Variants in ZC3H7A observed in about 807,000 individuals in gnomAD.
The protein encoded by ZC3H7A is zinc finger CCCH domain-containing protein 7A.
A neutral mutation model predicts 125.5 loss-of-function variants in ZC3H7A; 44 were observed. That is an observed-to-expected ratio of 0.35 (90% CI 0.28 to 0.45). The LOEUF is 0.45. Ranked by LOEUF, ZC3H7A falls within the 20% of genes least tolerant of loss-of-function variation. The probability of loss-of-function intolerance (pLI) is 1.00; values close to 1 mark genes in which losing one functional copy is unlikely to be tolerated. For missense variants in ZC3H7A, 977 were observed against 1,170.7 expected, an observed-to-expected ratio of 0.83 and a Z score of 2.41; for synonymous variants, 399 against 391.2, an observed-to-expected ratio of 1.02 and a Z score of -0.23.
chr16:11,767,019 A>T (rs988462997), intron 13 of ZC3H7A, among the ~76,000 whole-genome samples: 1 of 152,256 alleles, frequency 6.6e-6, no homozygotes, highest in Non-Finnish European at 1.5e-5. Flanking sequence ...AATAAATTAC[A>T]TATTAATAGA....
intron 3 of ZC3H7A, among the ~76,000 whole-genome samples, 156 bp downstream of exon 3, chr16:11,781,269 A>T (rs1336374857): frequency 6.6e-6 from 1 of 152,154 alleles, no homozygotes; most frequent in African/African-American, 2.4e-5. Flanking sequence ...GTTCCAATAA[A>T]GCTTTATTTG....
intron 1 of ZC3H7A, among the ~76,000 whole-genome samples, chr16:11,789,800 G>A (rs1271209378): frequency 6.6e-6 from 1 of 151,904 alleles, no homozygotes; most frequent in Admixed American, 6.6e-5. Flanking sequence ...TATAGGATAG[G>A]CCAGCCATGG....
chr16:11,767,494 A>G lies in ZC3H7A; in HGVS notation c.1445T>C (p.Val482Ala), dbSNP rs755994420. The G allele has an allele frequency of 3.1e-6, 5 of 1,612,442 alleles. No individual in the cohort carries two copies. The highest frequency in any genetic ancestry group is 4.2e-6 in the Non-Finnish European group (5 of 1,179,142). ...KDILIGRIKN[V>A]EDKSWKKIRP... The stretch of plus-strand genomic sequence containing the variant: ...TATTTTTTTCCATGATTTATCTTCA[A>G]CATTCTTTATCCTACCGATTAAAAT... Residue 482 changes from valine (V) to alanine (A), a missense_variant, in exon 13 of 23, where the codon GTT becomes GCT. By Grantham distance (64) the Val-to-Ala change is moderately conservative. Transcript: ENST00000355758.
chr16:11,777,031 T>C, intron 4 of ZC3H7A, 122 bp from the exon 5 acceptor site: 1 of 683,190 alleles, frequency 1.5e-6, no homozygotes, highest in Non-Finnish European at 2.2e-6. Context: ...AACTCCAAGT[T>C]AGCAGTATTA....
At chr16:11,762,070 A>G (rs756146597) in intron 17 of ZC3H7A, 27 bp from the exon 18 acceptor site, 3 of 1,551,792 alleles carry the variant, frequency 1.9e-6, no homozygotes, top group Non-Finnish European at 2.6e-6. Context: ...ATTCGTTTTA[A>G]TTTTTTTAAC....
At chr16:11,773,698 C>T (rs1456707428) in intron 9 of ZC3H7A, among the ~76,000 whole-genome samples, 1 of 151,640 alleles carries the variant, frequency 6.6e-6, no homozygotes, top group African/African-American at 2.4e-5. Context: ...CTGGCTAAGG[C>T]AGTGAAACCC....
chr16:11,751,975 G>T (rs1320038660), intron 22 of ZC3H7A, among the ~76,000 whole-genome samples: 1 of 144,492 alleles, frequency 6.9e-6, no homozygotes, highest in Admixed American at 7.6e-5. Flanking sequence ...ACGCAACCTC[G>T]GCTCACTACA....
chr16:11,783,321 A>AT (rs1253704171), intron 1 of ZC3H7A, among the ~76,000 whole-genome samples: 2 of 152,012 alleles, frequency 1.3e-5, no homozygotes, highest in Non-Finnish European at 1.5e-5. Context: ...ATGTCAACAC[A>AT]TATCATTCTT....
At chr16:11,792,836 T>C (rs2053375382) in intron 1 of ZC3H7A, among the ~76,000 whole-genome samples, 1 of 152,136 alleles carries the variant, frequency 6.6e-6, no homozygotes, top group South Asian at 2.1e-4. Flanking sequence ...TGAGCATCTG[T>C]CTAGGGTGGC....
chr16:11,783,498 C>T (rs8049022), intron 1 of ZC3H7A, among the ~76,000 whole-genome samples: 95,472 of 151,764 alleles, frequency 0.63, 31,444 homozygotes, highest in East Asian at 0.88. Context: ...GATTGCAGGA[C>T]ATTGGCAGTA....
rs565785010 is a variant in ZC3H7A, at chr16:11,776,068, G to A, written c.585+252C>T. On this transcript the variant is annotated intron_variant, in intron 7 of 22. Coordinates refer to ENST00000355758, the MANE Select transcript of ZC3H7A (RefSeq NM_014153.4). ...CCCAGCTACTCGGGAGGCTGAGGTG[G>A]GAGGATCACTTGAGCCCAGGAGGTG... 2.0e-5 allele frequency among the ~76,000 whole-genome samples: 3 copies of A among 152,218 alleles called. No homozygotes were observed. In the South Asian group the frequency reaches 6.2e-4, roughly 32 times the overall value.
At position 11,751,243 on chromosome 16, in the gene ZC3H7A, G is replaced by A. The variant is rs2052548571; in HGVS notation, c.*74C>T. 2.1e-6 allele frequency: 3 copies of A among 1,438,908 alleles called. No individual in the cohort carries two copies. Among genetic ancestry groups the A allele is most frequent in the African/African-American group, 1.4e-5 (1 of 70,106 alleles). 89.1% of individuals were successfully genotyped at this position (1,438,908 alleles called of 1,614,324 possible). ...CAAGCAGGAAATCTGCAGCTCCTCTGCTATGTGCCTCAGAACACTTTCAAT... is the reference window on the plus strand; with the variant it reads ...CAAGCAGGAAATCTGCAGCTCCTCTACTATGTGCCTCAGAACACTTTCAAT... On this transcript the variant is annotated 3_prime_UTR_variant, in exon 23 of 23. Transcript: ENST00000355758.
Position 11,762,040 on chromosome 16 carries a change from G to C in ZC3H7A, c.2083C>G (p.Leu695Val). The C allele has an allele frequency of 6.2e-7, 1 of 1,601,982 alleles. No homozygotes were observed. Among genetic ancestry groups the C allele is most frequent in the East Asian group, 2.2e-5 (1 of 44,688 alleles). ...LEANVPGAQVLGNQIMPGFLN... is the reference protein window; with the variant it reads ...LEANVPGAQVVGNQIMPGFLN... ...AATCCAGGCATTATTTGATTACCAA[G>C]TACCTTAAACAATTAAAAGATTCGT... Residue 695 changes from leucine to valine, a missense_variant, in exon 18 of 23, where the codon CTT becomes GTT. By Grantham distance (32) the Leu-to-Val change is conservative. Transcript: ENST00000355758.
chr16:11,767,685 C>A (rs1434336975), intron 12 of ZC3H7A, 107 bp from the exon 13 acceptor site: 2 of 1,164,626 alleles, frequency 1.7e-6, no homozygotes, highest in South Asian at 3.7e-5. Flanking sequence ...TTATTAAATT[C>A]CCACAGAAAT....
chr16:11,779,996 AT>A (rs1384662075), intron 3 of ZC3H7A, among the ~76,000 whole-genome samples: 2 of 151,766 alleles, frequency 1.3e-5, no homozygotes, highest in South Asian at 2.1e-4. Flanking sequence ...TCATTTACTG[AT>A]TTGGGGGGAG....
rs956140352 is a variant in ZC3H7A, at chr16:11,765,946, T to A, written c.1523-261A>T. ...ATTTAGGGCATCATTTGAACTTGTCTAACAATTCATGGACAGCCTCAAACA... is the reference window on the plus strand; with the variant it reads ...ATTTAGGGCATCATTTGAACTTGTCAAACAATTCATGGACAGCCTCAAACA... On this transcript the variant is annotated intron_variant, in intron 13 of 22. Coordinates refer to ENST00000355758, the MANE Select transcript of ZC3H7A (RefSeq NM_014153.4). The surrounding 1 kb of genome is among the most constrained non-coding windows in gnomAD (Gnocchi z 4.8). 2.0e-5 allele frequency among the ~76,000 whole-genome samples: 3 copies of A among 152,218 alleles called. No individual in the cohort carries two copies. The highest frequency in any genetic ancestry group is 2.9e-5 in the Non-Finnish European group (2 of 68,030).
intron 21 of ZC3H7A, among the ~76,000 whole-genome samples, chr16:11,755,893 G>A (rs1227858970): frequency 6.6e-6 from 1 of 152,176 alleles, no homozygotes; most frequent in East Asian, 1.9e-4. Context: ...GGCCGGGCAT[G>A]GTGGCTCACG....
intron 15 of ZC3H7A, among the ~76,000 whole-genome samples, chr16:11,764,525 G>A (rs1302199477): frequency 6.6e-6 from 1 of 151,930 alleles, no homozygotes; most frequent in African/African-American, 2.4e-5. Flanking sequence ...CTCCAGCCTG[G>A]GAAACAGAAA....
At chr16:11,779,112 C>T (rs2053132323) in intron 4 of ZC3H7A, 54 bp downstream of exon 4, 2 of 1,392,178 alleles carry the variant, frequency 1.4e-6, no homozygotes, top group Non-Finnish European at 9.9e-7. Context: ...TGTACTAAGT[C>T]ATTGAAAAAA....
Sources: gnomAD v4.1 joint callset for allele counts (sites outside exome capture counted in the v4.1 genomes callset) on GRCh38, gnomAD v4.1.1 for gene constraint, Gnocchi (gnomAD v3.1) non-coding constraint, MANE v1.5 for transcripts, NCBI Gene and HGNC (gene_info 2026-07-23, HGNC 2026-07-21) for gene names.